The following PALLD variants were observed in gnomAD, a reference collection of about 807,000 sequenced individuals.
PALLD encodes the protein palladin.
Under a neutral mutation model 123.5 loss-of-function variants are expected in PALLD, and 61 were observed. The observed-to-expected ratio is 0.49, with a 90% CI of 0.40 to 0.61. The LOEUF is 0.61. PALLD is among the 20% of genes least tolerant of loss of function. PALLD has a pLI of 0.00. For missense variants in PALLD, 1,273 were observed against 1,377.0 expected (o/e 0.92, Z 1.20); for synonymous variants, 465 against 496.4 (o/e 0.94, Z 0.84).
At position 168,668,218 on chromosome 4, in the gene PALLD, A is replaced by G. The variant is rs780564970; in HGVS notation, c.937A>G (p.Asn313Asp). Reference protein sequence around the residue: ...RWFCEGKELHNTPDIQIHCEG... With the variant: ...RWFCEGKELHDTPDIQIHCEG... ...GTTCTGTGAAGGGAAAGAACTGCACAACACTCCTGATATTCAAATCCACTG... is the reference window on the plus strand; with the variant it reads ...GTTCTGTGAAGGGAAAGAACTGCACGACACTCCTGATATTCAAATCCACTG... Residue 313 changes from asparagine to aspartate, a missense_variant, in exon 3 of 22, where the codon AAC (asparagine) becomes GAC (aspartate). By Grantham distance (23) the Asn-to-Asp change is conservative. This residue lies in a region of PALLD where 944 missense variants were observed against 954.5 expected (regional missense o/e 0.99). Transcript: ENST00000505667. 1 of 1,614,138 alleles carries G rather than the reference A, an allele frequency of 6.2e-7. No individual in the cohort carries two copies. Among genetic ancestry groups the G allele is most frequent in the South Asian group, 1.1e-5 (1 of 91,086 alleles).
In PALLD at chr4:168,786,710, A is replaced by G. The variant is rs912562531; in HGVS notation, c.1964+74787A>G. ...GTTTATGAATATTGGAACATTTAAA[A>G]AGCAGTAAATATACTATGAAGTACA... On this transcript the variant is annotated intron_variant, in intron 10 of 21. Coordinates refer to ENST00000505667, the MANE Select transcript of PALLD (RefSeq NM_001166108.2). 2.2e-4 allele frequency among the ~76,000 whole-genome samples: 34 copies of G among 152,376 alleles called. 1 individual carries two copies. Among genetic ancestry groups the G allele is most frequent in the African/African-American group, 7.9e-4 (33 of 41,586 alleles).
At chr4:168,838,472 C>T (rs532424030) in intron 10 of PALLD, among the ~76,000 whole-genome samples, 116 of 151,076 alleles carry the variant, frequency 7.7e-4, no homozygotes, top group Non-Finnish European at 1.5e-3. Flanking sequence ...GGAGGGAGTG[C>T]GGGGCCGGGG....
chr4:168,746,874 A>G (rs975075727), intron 10 of PALLD, among the ~76,000 whole-genome samples: 2 of 152,228 alleles, frequency 1.3e-5, no homozygotes, highest in Non-Finnish European at 1.5e-5. Context: ...AAAATCACAT[A>G]GGAGTATGAT....
chr4:168,914,040 C>T lies in PALLD; in HGVS notation c.2717+19C>T, dbSNP rs1426602487. The stretch of plus-strand genomic sequence containing the variant: ...TCAGAAGGTATTTAACATGTTCCTT[C>T]CCAGAAGTGTTACATTATTTTATTT... On this transcript the variant is annotated intron_variant, in intron 16 of 21. Coordinates refer to ENST00000505667, the MANE Select transcript of PALLD (RefSeq NM_001166108.2). The T allele has an allele frequency of 1.4e-6, 2 of 1,380,104 alleles. No homozygotes were observed. Among genetic ancestry groups the T allele is most frequent in the Non-Finnish European group, 2.1e-6 (2 of 966,750 alleles). The allele number at this position is 1,380,104 out of a possible 1,614,324, so 85.5% of individuals were successfully genotyped here.
chr4:168,894,142 T>C (rs1451904589), intron 11 of PALLD: 1 of 204,792 alleles, frequency 4.9e-6, no homozygotes, highest in Non-Finnish European at 9.9e-6. Context: ...AGTCAGTTTA[T>C]TCTCCTTTTG....
At chr4:168,841,101 G>A (rs928858053) in intron 10 of PALLD, among the ~76,000 whole-genome samples, 19 of 151,992 alleles carry the variant, frequency 1.3e-4, no homozygotes, top group Non-Finnish European at 2.4e-4. Context: ...CTCCTGCCTC[G>A]GTCTCCCAAA....
At chr4:168,916,102 T>TG in intron 17 of PALLD, 75 bp downstream of exon 17, 2 of 1,396,606 alleles carry the variant, frequency 1.4e-6, no homozygotes, top group Non-Finnish European at 2.0e-6. Context: ...TAGTTCCTTT[T>TG]GGGGAAATTA....
At chr4:168,811,020 C>A (rs1566499) in intron 10 of PALLD, among the ~76,000 whole-genome samples, 69,868 of 151,902 alleles carry the variant, frequency 0.46, 16,941 homozygotes, top group African/African-American at 0.58. Context: ...CACAGGTAAG[C>A]TGACGGAGAT....
rs778200940 is a variant in PALLD, at chr4:168,926,682, G to A, written c.*502G>A. Reference sequence around the variant, plus strand: ...TACTAAAGGAAATCAATTGTTCACAGGTAACTACAATTTGTATTATCTACA... The same window carrying A: ...TACTAAAGGAAATCAATTGTTCACAAGTAACTACAATTTGTATTATCTACA... On this transcript the variant is annotated 3_prime_UTR_variant, in exon 22 of 22. Transcript: ENST00000505667. 22 of 350,880 alleles carry A rather than the reference G, an allele frequency of 6.3e-5. No individual in the cohort carries two copies. The highest frequency in any genetic ancestry group is 2.6e-4 in the Admixed American group (6 of 22,872). 21.7% of individuals were successfully genotyped at this position (350,880 alleles called of 1,614,324 possible).
chr4:168,888,431 A>G (rs1753671828), intron 10 of PALLD, among the ~76,000 whole-genome samples: 1 of 152,174 alleles, frequency 6.6e-6, no homozygotes, highest in Non-Finnish European at 1.5e-5. Flanking sequence ...CAGTGCCCCC[A>G]AAACATTATC....
intron 10 of PALLD, among the ~76,000 whole-genome samples, chr4:168,721,053 A>T (rs1182297108): frequency 1.3e-5 from 2 of 152,180 alleles, no homozygotes; most frequent in Non-Finnish European, 2.9e-5. Flanking sequence ...GTTTTATTTG[A>T]TGTCTGAAAT....
chr4:168,664,769 GAAAAAAAAA>G (rs11301858), intron 2 of PALLD, among the ~76,000 whole-genome samples: 2 of 110,668 alleles, frequency 1.8e-5, no homozygotes, highest in African/African-American at 5.9e-5. Flanking sequence ...AGAGGAGGAG[GAAAAAAAAA>G]AAAAAAAAAC....
intron 10 of PALLD, among the ~76,000 whole-genome samples, chr4:168,727,707 G>A (rs765836007): frequency 2.0e-5 from 3 of 152,072 alleles, no homozygotes; most frequent in Non-Finnish European, 4.4e-5. Flanking sequence ...AAGTTCTTTA[G>A]TTTAATTAGA....
chr4:168,705,797 T>G, intron 8 of PALLD, among the ~76,000 whole-genome samples: 1 of 152,002 alleles, frequency 6.6e-6, no homozygotes, highest in East Asian at 1.9e-4. Flanking sequence ...CCACCATGCC[T>G]GGCTAATTTT....
intron 14 of PALLD, 55 bp from the exon 15 acceptor site, chr4:168,903,702 A>G: frequency 7.0e-7 from 1 of 1,437,566 alleles, no homozygotes; most frequent in Middle Eastern, 2.2e-4. Context: ...TCAGTTCTCC[A>G]AATAGAGTAG....
At chr4:168,922,087 A>ATATATATTTATATT (rs1761638123) in intron 18 of PALLD, among the ~76,000 whole-genome samples, 1 of 105,062 alleles carries the variant, frequency 9.5e-6, no homozygotes, top group African/African-American at 5.2e-5. Flanking sequence ...TTTTATATTT[A>ATATATATTTATATT]TATATATATA....
chr4:168,641,820 G>C (rs1170442460), intron 2 of PALLD, among the ~76,000 whole-genome samples: 2 of 152,144 alleles, frequency 1.3e-5, no homozygotes, highest in Non-Finnish European at 2.9e-5. Context: ...CTGCTCTGAG[G>C]GAAAGCTTCA....
chr4:168,575,019 T>C (rs902624922), intron 2 of PALLD, among the ~76,000 whole-genome samples: 1 of 152,150 alleles, frequency 6.6e-6, no homozygotes, highest in Non-Finnish European at 1.5e-5. Context: ...AAAAGCTTAG[T>C]TAGCCTTTGA....
At chr4:168,714,416 AGT>A in intron 10 of PALLD, among the ~76,000 whole-genome samples, 1 of 152,338 alleles carries the variant, frequency 6.6e-6, no homozygotes, top group South Asian at 2.1e-4. Flanking sequence ...TGGTTTGTTC[AGT>A]GTTCTCAAAG....
Sources: gnomAD v4.1 joint callset for allele counts (sites outside exome capture counted in the v4.1 genomes callset) on GRCh38, gnomAD v4.1.1 for gene constraint, gnomAD v4.1.1 regional missense constraint, MANE v1.5 for transcripts, NCBI Gene and HGNC (gene_info 2026-07-23, HGNC 2026-07-21) for gene names.